The following TUBA8 variants were observed in gnomAD, a reference collection of about 807,000 sequenced individuals.
TUBA8 encodes the protein tubulin alpha 8, also known as tubulin alpha-8 chain.
In TUBA8, 29 loss-of-function variants were observed where a neutral mutation model predicts 34.7. That is an observed-to-expected ratio of 0.84 (90% CI 0.62 to 1.14). The LOEUF (loss-of-function observed/expected upper bound fraction) is 1.14. TUBA8 is among the 50% of genes most tolerant of loss of function. The pLI, the probability that TUBA8 is intolerant of heterozygous loss-of-function variation, is 0.00. For missense variants in TUBA8, 541 were observed against 599.2 expected (o/e 0.90, Z 1.01); for synonymous variants, 226 against 231.2 (o/e 0.98, Z 0.21).
Position 18,124,316 on chromosome 22 carries a change from A to G in TUBA8, c.375+12A>G. 1 of 1,610,796 alleles carries G rather than the reference A, an allele frequency of 6.2e-7. No individual in the cohort carries two copies. Among genetic ancestry groups the G allele is most frequent in the Non-Finnish European group, 8.5e-7 (1 of 1,178,458 alleles). On this transcript the variant is annotated intron_variant, in intron 3 of 4. Transcript: ENST00000330423. This position sits in a 1 kb window ranked among gnomAD's most constrained non-coding sequence, Gnocchi z 4.3. ...GCATACGGAAGCTGGTAAGATCAGG[A>G]GGGCAGGGGACGGGTGGGTCAGGCT...
Position 18,124,465 on chromosome 22 carries a change from CA to C in TUBA8, c.375+162del. ...GCTTAAATTCTGTAAGAAGCATGCA[CA>C]GGGGTGATGCCCCTTCCTCTGTGTT... On this transcript the variant is annotated intron_variant, in intron 3 of 4. Transcript: ENST00000330423. This position sits in a 1 kb window ranked among gnomAD's most constrained non-coding sequence, Gnocchi z 4.3. 2 of 808,728 alleles carry C rather than the reference CA, an allele frequency of 2.5e-6. No individual in the cohort carries two copies. Among genetic ancestry groups the C allele is most frequent in the East Asian group, 2.7e-5 (1 of 36,876 alleles). 50.1% of individuals were successfully genotyped at this position (808,728 alleles called of 1,614,324 possible). A position where few individuals can be genotyped will look rare whatever the true frequency, so the allele number is the denominator to read the frequency against.
intron 2 of TUBA8, chr22:18,123,841 T>G: frequency 2.7e-6 from 1 of 370,304 alleles, no homozygotes; most frequent in South Asian, 2.3e-5. Context: ...TCCCAAAGTG[T>G]TAGGATTACA....
At chr22:18,113,202 G>A (rs1338647236) in intron 1 of TUBA8, 1 of 152,224 alleles carries the variant, frequency 6.6e-6, no homozygotes, top group Admixed American at 6.5e-5. Context: ...ATACCCTTTA[G>A]CATTTCTGTC....
rs748797090 is a variant in TUBA8, at chr22:18,126,768, C to T, written c.790C>T (p.Arg264Cys). The T allele has an allele frequency of 1.2e-5, 20 of 1,614,016 alleles. No homozygotes were observed. The highest frequency in any genetic ancestry group is 6.6e-5 in the South Asian group (6 of 91,062). Residue 264 changes from arginine (R) to cysteine (C), a missense_variant, in exon 4 of 5, where the codon CGC becomes TGC. Physicochemically the swap from Arg to Cys is radical, Grantham distance 180. Transcript: ENST00000330423. This position sits in a 1 kb window ranked among gnomAD's most constrained non-coding sequence, Gnocchi z 4.0. Reference sequence around the variant, plus strand: ...CCAGACCAACCTGGTGCCCTACCCCCGCATCCACTTCCCGCTGGTCACCTA... The same window carrying T: ...CCAGACCAACCTGGTGCCCTACCCCTGCATCCACTTCCCGCTGGTCACCTA... ...EFQTNLVPYPRIHFPLVTYAP... is the reference protein window; with the variant it reads ...EFQTNLVPYPCIHFPLVTYAP...
Position 18,131,235 on chromosome 22 carries a change from C to T in TUBA8, c.*99C>T, listed in dbSNP as rs565308732. 1.6e-4 allele frequency: 216 copies of T among 1,361,646 alleles called. No individual in the cohort carries two copies. Among genetic ancestry groups the T allele is most frequent in the Non-Finnish European group, 2.1e-4 (203 of 971,326 alleles). The allele number at this position is 1,361,646 out of a possible 1,614,324, so 84.3% of individuals were successfully genotyped here. On this transcript the variant is annotated 3_prime_UTR_variant, in exon 5 of 5. Coordinates refer to ENST00000330423, the MANE Select transcript of TUBA8 (RefSeq NM_018943.3). This position sits in a 1 kb window ranked among gnomAD's most constrained non-coding sequence, Gnocchi z 5.3. Reference sequence around the variant, plus strand: ...ACACTCTCCCCGCCCCAGCCTGATTCCTGCCTTACCCAGGAGGAGGGTGCC... The same window carrying T: ...ACACTCTCCCCGCCCCAGCCTGATTTCTGCCTTACCCAGGAGGAGGGTGCC...
Position 18,131,025 on chromosome 22 carries a change from GGAA to G in TUBA8, c.1244_1246del (p.Glu415del), listed in dbSNP as rs1928492991. The G allele has an allele frequency of 6.2e-7, 1 of 1,614,072 alleles. No individual in the cohort carries two copies. The highest frequency in any genetic ancestry group is 1.3e-5 in the African/African-American group (1 of 74,926). The stretch of plus-strand genomic sequence containing the variant: ...TGCATTGGTATGTGGGAGAGGGGAT[GGAA>G]GAAGGAGAATTTTCTGAGGCCAGGG... On this transcript the variant is annotated inframe_deletion, in exon 5 of 5. Coordinates refer to ENST00000330423, the MANE Select transcript of TUBA8 (RefSeq NM_018943.3). This position sits in a 1 kb window ranked among gnomAD's most constrained non-coding sequence, Gnocchi z 5.3.
At chr22:18,130,418 T>C (rs1001390552) in intron 4 of TUBA8, 90 of 145,484 alleles carry the variant, frequency 6.2e-4, no homozygotes, top group Non-Finnish European at 1.0e-3. Context: ...CCCCATCTAC[T>C]TTTTTTTTTG....
At chr22:18,123,871 G>A (rs772207528) in intron 2 of TUBA8, 34 of 422,782 alleles carry the variant, frequency 8.0e-5, no homozygotes, top group Admixed American at 6.7e-4. Flanking sequence ...CACTGGGCCC[G>A]GCGATGTTCG....
chr22:18,130,723 C>T, intron 4 of TUBA8, 120 bp from the exon 5 acceptor site: 2 of 1,360,042 alleles, frequency 1.5e-6, no homozygotes. Flanking sequence ...CATAGCCCCA[C>T]TCCCACGCCC....
In TUBA8 at chr22:18,111,149, C is replaced by T. The variant is rs1352566035; in HGVS notation, c.3+281C>T. ...GGGAGGGAGGCCCTGGGGAGCCCGACGGAGAAGGGGGCGAGATTCTGGGGT... is the reference window on the plus strand; with the variant it reads ...GGGAGGGAGGCCCTGGGGAGCCCGATGGAGAAGGGGGCGAGATTCTGGGGT... On this transcript the variant is annotated intron_variant, in intron 1 of 4. Coordinates refer to ENST00000330423, the MANE Select transcript of TUBA8 (RefSeq NM_018943.3). This position sits in a 1 kb window ranked among gnomAD's most constrained non-coding sequence, Gnocchi z 5.1. 1.1e-5 allele frequency: 6 copies of T among 561,480 alleles called. No homozygotes were observed. The highest frequency in any genetic ancestry group is 1.9e-5 in the Non-Finnish European group (6 of 317,204). 34.8% of individuals were successfully genotyped at this position (561,480 alleles called of 1,614,324 possible).
chr22:18,121,961 C>T lies in TUBA8; in HGVS notation c.226+260C>T. Reference sequence around the variant, plus strand: ...CTGCGGCACCAGGTCAAAATGGTCACATCGCTACTAAATACTAAGGATAAG... The same window carrying T: ...CTGCGGCACCAGGTCAAAATGGTCATATCGCTACTAAATACTAAGGATAAG... On this transcript the variant is annotated intron_variant, in intron 2 of 4. Transcript: ENST00000330423. This position sits in a 1 kb window ranked among gnomAD's most constrained non-coding sequence, Gnocchi z 4.8. 1.9e-6 allele frequency: 1 copy of T among 517,672 alleles called. No homozygotes were observed. Among genetic ancestry groups the T allele is most frequent in the Non-Finnish European group, 3.5e-6 (1 of 286,790 alleles). The allele number at this position is 517,672 out of a possible 1,614,324, so 32.1% of individuals were successfully genotyped here.
Position 18,130,942 on chromosome 22 carries a change from G to A in TUBA8, c.1156G>A (p.Glu386Lys). Reference protein sequence around the residue: ...CMLSNTTAIAEAWARLDHKFD... With the variant: ...CMLSNTTAIAKAWARLDHKFD... ...GCTCAGCAACACCACGGCCATTGCG[G>A]AGGCCTGGGCCCGCCTCGACCACAA... Residue 386 changes from glutamate (E) to lysine (K), a missense_variant, in exon 5 of 5, where the codon GAG (glutamate) becomes AAG (lysine). By Grantham distance (56) the Glu-to-Lys change is moderately conservative (BLOSUM62 1). Transcript: ENST00000330423. The A allele has an allele frequency of 6.2e-7, 1 of 1,614,204 alleles. No homozygotes were observed. The highest frequency in any genetic ancestry group is 8.5e-7 in the Non-Finnish European group (1 of 1,180,036).
intron 1 of TUBA8, chr22:18,115,952 A>C (rs1378961685): frequency 6.6e-6 from 1 of 152,296 alleles, no homozygotes; most frequent in Admixed American, 6.5e-5. Flanking sequence ...CCCTCCCCTC[A>C]CAGGGACCAA....
In TUBA8 at chr22:18,118,074, A is replaced by T. The variant is rs1055178503; in HGVS notation, c.4-3405A>T. Reference sequence around the variant, plus strand: ...CCCACAGTTAGCGATGCTGAGATTGATCGCGGCCTTAGGCTGGCGACCCTG... The same window carrying T: ...CCCACAGTTAGCGATGCTGAGATTGTTCGCGGCCTTAGGCTGGCGACCCTG... On this transcript the variant is annotated intron_variant, in intron 1 of 4. Transcript: ENST00000330423. This position sits in a 1 kb window ranked among gnomAD's most constrained non-coding sequence, Gnocchi z 4.0. 6.6e-6 allele frequency: 1 copy of T among 152,088 alleles called. No homozygotes were observed. The highest frequency in any genetic ancestry group is 1.9e-4 in the East Asian group (1 of 5,186). The allele number at this position is 152,088 out of a possible 1,614,324, so 9.4% of individuals were successfully genotyped here. A position where few individuals can be genotyped will look rare whatever the true frequency, so the allele number is the denominator to read the frequency against.
rs1355099624 is a variant in TUBA8 at position 18,124,049 on chromosome 22, T to C, written c.227-107T>C. On this transcript the variant is annotated intron_variant, in intron 2 of 4. Transcript: ENST00000330423. The surrounding 1 kb of genome is among the most constrained non-coding windows in gnomAD (Gnocchi z 4.3). ...GAGGTGGTCTGGCTTCAAACCTCCATGGAGTTTTATAGGTAGGGGAGAACG... is the reference window on the plus strand; with the variant it reads ...GAGGTGGTCTGGCTTCAAACCTCCACGGAGTTTTATAGGTAGGGGAGAACG... The C allele has an allele frequency of 1.4e-6, 2 of 1,398,136 alleles. No individual in the cohort carries two copies. The highest frequency in any genetic ancestry group is 1.0e-6 in the Non-Finnish European group (1 of 996,596). The allele number at this position is 1,398,136 out of a possible 1,614,324, so 86.6% of individuals were successfully genotyped here.
chr22:18,121,514 A>G lies in TUBA8; in HGVS notation c.39A>G (p.Gly13=). 6.2e-7 allele frequency: 1 copy of G among 1,614,084 alleles called. No homozygotes were observed. The highest frequency in any genetic ancestry group is 8.5e-7 in the Non-Finnish European group (1 of 1,180,016). ...TATCAGTCCACGTGGGCCAAGCGGGAGTTCAGATTGGCAATGCCTGCTGGG... is the reference window on the plus strand; with the variant it reads ...TATCAGTCCACGTGGGCCAAGCGGGGGTTCAGATTGGCAATGCCTGCTGGG... The part of the protein sequence containing the change: ...ECISVHVGQA[G]VQIGNACWEL... Residue 13 remains glycine (G), a synonymous_variant, in exon 2 of 5, where the codon GGA becomes GGG. Coordinates refer to ENST00000330423, the MANE Select transcript of TUBA8 (RefSeq NM_018943.3). This position sits in a 1 kb window ranked among gnomAD's most constrained non-coding sequence, Gnocchi z 4.8.
chr22:18,130,313 G>C, intron 4 of TUBA8: 1 of 163,640 alleles, frequency 6.1e-6, no homozygotes, highest in Non-Finnish European at 1.3e-5. Flanking sequence ...CCTCCCACCC[G>C]CTCCTAATGT....
chr22:18,127,068 A>T, intron 4 of TUBA8, 34 bp downstream of exon 4: 1 of 1,611,868 alleles, frequency 6.2e-7, no homozygotes, highest in Non-Finnish European at 8.5e-7. Flanking sequence ...GGGAGAGAGG[A>T]CTAGAGAAGC....
Position 18,121,734 on chromosome 22 carries a change from A to G in TUBA8, c.226+33A>G. 1 of 1,595,732 alleles carries G rather than the reference A, an allele frequency of 6.3e-7. No homozygotes were observed. ...GGGGCGGAGTTCCCCTCCACAGAGA[A>G]CATCTCGAAACTGCAGAGGCATTGG... On this transcript the variant is annotated intron_variant, in intron 2 of 4. Coordinates refer to ENST00000330423, the MANE Select transcript of TUBA8 (RefSeq NM_018943.3). The surrounding 1 kb of genome is among the most constrained non-coding windows in gnomAD (Gnocchi z 4.8).
Sources: gnomAD v4.1 joint callset for allele counts on GRCh38, gnomAD v4.1.1 for gene constraint, Gnocchi (gnomAD v3.1) non-coding constraint, MANE v1.5 for transcripts, NCBI Gene and HGNC (gene_info 2026-07-23, HGNC 2026-07-21) for gene names.